Variants in ITSN1 observed in about 807,000 individuals in gnomAD.
The protein encoded by ITSN1 is intersectin 1.
A neutral mutation model predicts 239.8 loss-of-function variants in ITSN1; 58 were observed. That is an observed-to-expected ratio of 0.24 (90% CI 0.20 to 0.30). The LOEUF is 0.30. Among genes scored for constraint, ITSN1 ranks in the 10% least tolerant of loss-of-function variants. The probability of loss-of-function intolerance (pLI) is 1.00; values close to 1 mark genes in which losing one functional copy is unlikely to be tolerated. For synonymous variants in ITSN1, 780 were observed against 770.8 expected (o/e 1.01, Z -0.20); for missense variants, 1,558 against 2,103.3 (o/e 0.74, Z 5.07).
At position 33,722,497 on chromosome 21, in the gene ITSN1, T is replaced by C. The variant is rs544820314; in HGVS notation, c.122-91T>C. 1.4e-3 allele frequency: 1,974 copies of C among 1,458,108 alleles called. 3 individuals carry two copies. Among genetic ancestry groups the C allele is most frequent in the Non-Finnish European group, 1.7e-3 (1,881 of 1,103,092 alleles). The allele number at this position is 1,458,108 out of a possible 1,614,324, so 90.3% of individuals were successfully genotyped here. On this transcript the variant is annotated intron_variant, in intron 3 of 39. Transcript: ENST00000381318. ...TGGTATTTATAGTATTACCAGCCTC[T>C]TTGTAAATTTTGTAATTTTGCTATT...
At chr21:33,764,803 T>C (rs892496687) in intron 9 of ITSN1, among the ~76,000 whole-genome samples, 2 of 152,262 alleles carry the variant, frequency 1.3e-5, no homozygotes, top group African/African-American at 4.8e-5. Context: ...CTTCTTTTGA[T>C]GGTCCAGAAA....
chr21:33,822,202 G>C (rs1400581143), intron 24 of ITSN1, among the ~76,000 whole-genome samples: 1 of 152,222 alleles, frequency 6.6e-6, no homozygotes, highest in Non-Finnish European at 1.5e-5. Flanking sequence ...GGCTGCCCAC[G>C]TGAGCACAAG....
In ITSN1 at chr21:33,774,789, G is replaced by A; in HGVS notation, c.1366G>A (p.Glu456Lys). Residue 456 changes from glutamate (E) to lysine (K), a missense_variant, in exon 13 of 40, where the codon GAA becomes AAA. By Grantham distance (56) the Glu-to-Lys change is moderately conservative. Coordinates refer to ENST00000381318, the MANE Select transcript of ITSN1 (RefSeq NM_003024.3). ...TGAGTGGGAACGGAATCGAAGGCAA[G>A]AACTACTAAATCAAAGAAACAAAGA... The part of the protein sequence containing the change: ...QLEWERNRRQ[E>K]LLNQRNKEQE... 6.2e-7 allele frequency: 1 copy of A among 1,613,966 alleles called. No individual in the cohort carries two copies. Among genetic ancestry groups the A allele is most frequent in the Non-Finnish European group, 8.5e-7 (1 of 1,179,944 alleles).
At chr21:33,835,997 G>C (rs528491285) in intron 28 of ITSN1, among the ~76,000 whole-genome samples, 2 of 152,132 alleles carry the variant, frequency 1.3e-5, no homozygotes, top group East Asian at 3.9e-4. Context: ...AATTCTTGGA[G>C]GTCAAATGAT....
intron 1 of ITSN1, among the ~76,000 whole-genome samples, chr21:33,660,191 C>G (rs2089444284): frequency 6.6e-6 from 1 of 152,148 alleles, no homozygotes; most frequent in South Asian, 2.1e-4. Context: ...CTTCTCTGTT[C>G]CACTTCATTT....
intron 18 of ITSN1, 36 bp from the exon 19 acceptor site, chr21:33,799,768 ATTAT>A: frequency 6.2e-7 from 1 of 1,609,602 alleles, no homozygotes; most frequent in Non-Finnish European, 8.5e-7. Context: ...GTTCTCTGTA[ATTAT>A]TTATTTTTGT....
chr21:33,863,502 A>T (rs972886204), intron 31 of ITSN1, among the ~76,000 whole-genome samples: 1 of 152,154 alleles, frequency 6.6e-6, no homozygotes, highest in Non-Finnish European at 1.5e-5. Context: ...CTAAAAAAAT[A>T]AAAATTAGCT....
rs1439596412 is a variant in ITSN1, at chr21:33,885,139, G to T, written c.4759+16G>T. 1 of 1,606,192 alleles carries T rather than the reference G, an allele frequency of 6.2e-7. No homozygotes were observed. Among genetic ancestry groups the T allele is most frequent in the Non-Finnish European group, 8.5e-7 (1 of 1,173,148 alleles). On this transcript the variant is annotated intron_variant, in intron 37 of 39. Coordinates refer to ENST00000381318, the MANE Select transcript of ITSN1 (RefSeq NM_003024.3). Reference sequence around the variant, plus strand: ...GCGTACCTGGGTAATGCATGGCCCCGCGGGGTGTCCTGCACAGCTGGGCAG... The same window carrying T: ...GCGTACCTGGGTAATGCATGGCCCCTCGGGGTGTCCTGCACAGCTGGGCAG...
intron 19 of ITSN1, among the ~76,000 whole-genome samples, chr21:33,801,472 C>CT (rs1438712675): frequency 3.3e-5 from 5 of 151,636 alleles, no homozygotes; most frequent in Non-Finnish European, 7.4e-5. Flanking sequence ...ATTATTTTTT[C>CT]TTTTTTTTGA....
At chr21:33,670,479 T>A (rs1163730277) in intron 1 of ITSN1, among the ~76,000 whole-genome samples, 1 of 151,378 alleles carries the variant, frequency 6.6e-6, no homozygotes. Context: ...TTAATGAAAA[T>A]CGCTTTTTTT....
intron 28 of ITSN1, among the ~76,000 whole-genome samples, 175 bp downstream of exon 28, chr21:33,834,599 C>G (rs776839566): frequency 6.6e-6 from 1 of 152,214 alleles, no homozygotes; most frequent in Non-Finnish European, 1.5e-5. Context: ...TTCAAAAGGA[C>G]CAGATATCTA....
In ITSN1 at chr21:33,847,877, A is replaced by C. The variant is rs540006173; in HGVS notation, c.3662-8859A>C. On this transcript the variant is annotated intron_variant, in intron 29 of 39. Transcript: ENST00000381318. ...CTTTCCTCTGATCTCCTGGCTGTAC[A>C]TGGGAACCACACGGGAGCTTTGCCG... Among the ~76,000 whole-genome samples, 4 of 152,280 alleles carry C rather than the reference A, an allele frequency of 2.6e-5. No individual in the cohort carries two copies. In the South Asian group the frequency reaches 6.2e-4, roughly 24 times the overall value.
intron 8 of ITSN1, among the ~76,000 whole-genome samples, chr21:33,757,585 G>C (rs1314104327): frequency 6.6e-6 from 1 of 151,960 alleles, no homozygotes; most frequent in African/African-American, 2.4e-5. Context: ...TCAATATGAA[G>C]TATGTTTTAT....
chr21:33,707,496 G>C (rs1237788776), intron 1 of ITSN1, among the ~76,000 whole-genome samples: 3 of 152,052 alleles, frequency 2.0e-5, no homozygotes, highest in Non-Finnish European at 4.4e-5. Context: ...ATTCCCAAGA[G>C]AGCAAACACT....
At chr21:33,788,004 T>A (rs903121496) in intron 16 of ITSN1, among the ~76,000 whole-genome samples, 2 of 152,184 alleles carry the variant, frequency 1.3e-5, no homozygotes, top group Non-Finnish European at 2.9e-5. Flanking sequence ...TTTTTCTTTT[T>A]AAGGTTGTAA....
chr21:33,699,768 T>C (rs1158102479), intron 1 of ITSN1, among the ~76,000 whole-genome samples: 1 of 152,198 alleles, frequency 6.6e-6, no homozygotes, highest in Admixed American at 6.5e-5. Flanking sequence ...AATTTCATTT[T>C]ATTTTATTTA....
At chr21:33,778,258 A>G (rs2069811413) in intron 14 of ITSN1, among the ~76,000 whole-genome samples, 1 of 152,114 alleles carries the variant, frequency 6.6e-6, no homozygotes, top group Non-Finnish European at 1.5e-5. Context: ...TTCTTCTAAT[A>G]TTCTTGTCTA....
chr21:33,824,582 T>G (rs753800835), intron 25 of ITSN1, among the ~76,000 whole-genome samples: 1 of 152,146 alleles, frequency 6.6e-6, no homozygotes, highest in Non-Finnish European at 1.5e-5. Context: ...CAAAGTTCTC[T>G]CTCTCTTTCA....
intron 20 of ITSN1, among the ~76,000 whole-genome samples, chr21:33,806,168 G>T (rs1388339852): frequency 3.0e-5 from 4 of 133,890 alleles, no homozygotes; most frequent in Non-Finnish European, 7.0e-5. Context: ...CCGAGATCGC[G>T]CCACTGCACT....
Sources: gnomAD v4.1 joint callset for allele counts (sites outside exome capture counted in the v4.1 genomes callset) on GRCh38, gnomAD v4.1.1 for gene constraint, MANE v1.5 for transcripts, NCBI Gene and HGNC (gene_info 2026-07-23, HGNC 2026-07-21) for gene names.